KHDRBS2: variants seen among roughly 807,000 people sequenced by gnomAD.
KHDRBS2 encodes the protein KH domain-containing, RNA-binding, signal transduction-associated protein 2.
In KHDRBS2, 26 loss-of-function variants were observed where a neutral mutation model predicts 44.3. The ratio of observed to expected loss-of-function variants is 0.59; its 90% CI spans 0.43 to 0.81. The LOEUF is 0.81. Ranked by LOEUF, KHDRBS2 falls within the 40% of genes least tolerant of loss-of-function variation. The pLI is 0.00. For missense variants in KHDRBS2, 476 were observed against 433.1 expected (o/e 1.10, Z -0.88); for synonymous variants, 194 against 151.1 (o/e 1.28, Z -2.08).
chr6:62,111,574 A>G (rs1286404285), intron 2 of KHDRBS2, among the ~76,000 whole-genome samples: 1 of 152,138 alleles, frequency 6.6e-6, no homozygotes, highest in Non-Finnish European at 1.5e-5. Context: ...AAACTCTAGT[A>G]GCATCAAAGT....
At chr6:61,616,082 A>C in the KHDRBS2 span, among the ~76,000 whole-genome samples, 1 of 152,218 alleles carries the variant, frequency 6.6e-6, no homozygotes, top group Non-Finnish European at 1.5e-5. Flanking sequence ...GTTCTGTATC[A>C]AAATGGCATT....
chr6:62,058,880 A>G (rs1410256309), intron 2 of KHDRBS2, among the ~76,000 whole-genome samples: 3 of 151,898 alleles, frequency 2.0e-5, no homozygotes, highest in Non-Finnish European at 2.9e-5. Context: ...ATATCAATAT[A>G]TTACCACAAA....
At chr6:61,630,063 T>C in the KHDRBS2 span, among the ~76,000 whole-genome samples, 259 of 152,306 alleles carry the variant, frequency 1.7e-3, 2 homozygotes, top group African/African-American at 6.0e-3. Context: ...TTAATTTCTA[T>C]CAATTCAAAG....
At chr6:61,863,652 TCTAA>T (rs1415133419) in intron 6 of KHDRBS2, among the ~76,000 whole-genome samples, 2 of 152,226 alleles carry the variant, frequency 1.3e-5, no homozygotes, top group Non-Finnish European at 2.9e-5. Flanking sequence ...AGAGACTGTT[TCTAA>T]CTATTTTAGT....
intron 4 of KHDRBS2, among the ~76,000 whole-genome samples, chr6:61,914,709 G>A (rs969954956): frequency 1.3e-5 from 2 of 152,068 alleles, no homozygotes; most frequent in African/African-American, 4.8e-5. Context: ...CTTAAATTGG[G>A]AATATTTCAG....
intron 6 of KHDRBS2, among the ~76,000 whole-genome samples, chr6:61,739,324 G>A (rs1775826987): frequency 6.6e-6 from 1 of 151,774 alleles, no homozygotes; most frequent in South Asian, 2.1e-4. Flanking sequence ...TTTTATTTAT[G>A]TTGACCAGTA....
rs149042460 is a variant in KHDRBS2 at position 62,034,449 on chromosome 6, A to G, written c.336+13429T>C. Reference sequence around the variant, plus strand: ...AAATACTAGCAAACCAAATTCAACAACACATTAAAAAGATCATTCATCATG... The same window carrying G: ...AAATACTAGCAAACCAAATTCAACAGCACATTAAAAAGATCATTCATCATG... On this transcript the variant is annotated intron_variant, in intron 3 of 8. Coordinates refer to ENST00000281156, the MANE Select transcript of KHDRBS2 (RefSeq NM_152688.4). Among the ~76,000 whole-genome samples, 290 of 152,010 alleles carry G rather than the reference A, an allele frequency of 1.9e-3. 7 individuals carry two copies. The East Asian group carries it at 0.049, about 26-fold the overall frequency.
chr6:61,598,340 TA>T, the KHDRBS2 span, among the ~76,000 whole-genome samples: 1 of 144,986 alleles, frequency 6.9e-6, no homozygotes, highest in African/African-American at 2.4e-5. Context: ...TTTATGGCTT[TA>T]ACCAATGCCT....
intron 6 of KHDRBS2, among the ~76,000 whole-genome samples, chr6:61,744,874 T>C (rs1198045471): frequency 6.6e-6 from 1 of 152,192 alleles, no homozygotes. Context: ...ATGGCTATTT[T>C]AGTAAGACTA....
chr6:61,972,743 A>G (rs2127399931), intron 4 of KHDRBS2, among the ~76,000 whole-genome samples: 1 of 152,168 alleles, frequency 6.6e-6, no homozygotes, highest in East Asian at 1.9e-4. Context: ...CAGCCAGTCA[A>G]AATGTATCTG....
intron 4 of KHDRBS2, among the ~76,000 whole-genome samples, chr6:61,945,267 G>A (rs1348012796): frequency 6.7e-6 from 1 of 149,718 alleles, no homozygotes; most frequent in Non-Finnish European, 1.5e-5. Flanking sequence ...TTTAAGATGA[G>A]TAAGTTTCAC....
chr6:61,907,252 A>G (rs1326592242), intron 4 of KHDRBS2, among the ~76,000 whole-genome samples: 2 of 151,862 alleles, frequency 1.3e-5, no homozygotes, highest in African/African-American at 2.4e-5. Flanking sequence ...AACTCAGATT[A>G]TCTGCTTTTT....
intron 2 of KHDRBS2, among the ~76,000 whole-genome samples, chr6:62,083,228 G>A (rs568840605): frequency 8.9e-4 from 135 of 152,198 alleles, no homozygotes; most frequent in African/African-American, 3.0e-3. Context: ...GCTTAACATC[G>A]GTGAGAAGCA....
chr6:61,619,322 T>C, the KHDRBS2 span, among the ~76,000 whole-genome samples: 2 of 145,086 alleles, frequency 1.4e-5, no homozygotes, highest in Non-Finnish European at 3.0e-5. Context: ...CGTGTACTCA[T>C]AGCTTAGCTT....
chr6:62,016,528 A>G lies in KHDRBS2; in HGVS notation c.336+31350T>C, dbSNP rs963308241. 2.7e-5 allele frequency among the ~76,000 whole-genome samples: 4 copies of G among 149,756 alleles called. No homozygotes were observed. In the Admixed American group the frequency reaches 2.7e-4, roughly 10 times the overall value. On this transcript the variant is annotated intron_variant, in intron 3 of 8. Coordinates refer to ENST00000281156, the MANE Select transcript of KHDRBS2 (RefSeq NM_152688.4). ...ACATAGATAATATAAATACCTATTT[A>G]TACATTTAGATGTATAAGTATATTT...
At chr6:62,250,293 T>C (rs894943061) in intron 1 of KHDRBS2, among the ~76,000 whole-genome samples, 11 of 152,118 alleles carry the variant, frequency 7.2e-5, no homozygotes, top group Non-Finnish European at 1.3e-4. Context: ...CTGTAAATAA[T>C]ACCATAAAAT....
At chr6:62,019,594 G>T (rs1480414623) in intron 3 of KHDRBS2, among the ~76,000 whole-genome samples, 1 of 152,006 alleles carries the variant, frequency 6.6e-6, no homozygotes, top group Non-Finnish European at 1.5e-5. Context: ...TTTGCGGAAG[G>T]CTTCTTAGTA....
At chr6:62,061,487 T>A (rs1300399204) in intron 2 of KHDRBS2, among the ~76,000 whole-genome samples, 1 of 150,452 alleles carries the variant, frequency 6.6e-6, no homozygotes, top group African/African-American at 2.4e-5. Flanking sequence ...TCTTTAAGAA[T>A]GTTGAATATT....
At chr6:62,076,416 G>T (rs1483442016) in intron 2 of KHDRBS2, among the ~76,000 whole-genome samples, 1 of 151,974 alleles carries the variant, frequency 6.6e-6, no homozygotes, top group Non-Finnish European at 1.5e-5. Flanking sequence ...GTGATGTTGG[G>T]AATTAGGTAG....
Sources: gnomAD v4.1 joint callset for allele counts (sites outside exome capture counted in the v4.1 genomes callset) on GRCh38, gnomAD v4.1.1 for gene constraint, MANE v1.5 for transcripts, NCBI Gene and HGNC (gene_info 2026-07-23, HGNC 2026-07-21) for gene names.